Variants in NBPF3 observed in about 807,000 individuals in gnomAD.
NBPF3 encodes NBPF member 3.
In NBPF3, 57 loss-of-function variants were observed where a neutral mutation model predicts 78.1. The observed-to-expected ratio is 0.73, with a 90% confidence interval of 0.59 to 0.91. NBPF3 has a LOEUF of 0.91. Ranked by LOEUF, NBPF3 falls within the 40% of genes least tolerant of loss-of-function variation. The pLI, the probability that NBPF3 is intolerant of heterozygous loss-of-function variation, is 0.00. For missense variants in NBPF3, 510 were observed against 715.3 expected, an observed-to-expected ratio of 0.71 and a Z score of 3.27; for synonymous variants, 182 against 271.7, an observed-to-expected ratio of 0.67 and a Z score of 3.25.
rs1642897873 is a variant in NBPF3, at chr1:21,476,546, C to T, written c.992+1595C>T. 1.3e-5 allele frequency among the ~76,000 whole-genome samples: 2 copies of T among 152,244 alleles called. No homozygotes were observed. Among genetic ancestry groups the T allele is most frequent in the East Asian group, 1.9e-4 (1 of 5,182 alleles). On this transcript the variant is annotated intron_variant, in intron 8 of 14. Transcript: ENST00000318249. The surrounding 1 kb of genome is among the most constrained non-coding windows in gnomAD (Gnocchi z 4.1). ...CTCCTTCACTTTTGAAGCTTAGTTT[C>T]GCTGAGTATGAAATTCTGGGTTGAA...
intron 2 of NBPF3, among the ~76,000 whole-genome samples, chr1:21,455,077 T>A (rs1482689554): frequency 1.3e-5 from 2 of 152,194 alleles, no homozygotes; most frequent in Non-Finnish European, 2.9e-5. Context: ...CCTAGAGGCC[T>A]CCCATGTTCC....
chr1:21,451,866 G>A, intron 2 of NBPF3: 1 of 906,036 alleles, frequency 1.1e-6, no homozygotes, highest in African/African-American at 1.8e-5. Context: ...TTAATGCCAT[G>A]AAGCAGCCGC....
chr1:21,472,193 C>T (rs1391863706), intron 5 of NBPF3, among the ~76,000 whole-genome samples: 4 of 152,192 alleles, frequency 2.6e-5, no homozygotes, highest in Non-Finnish European at 5.9e-5. Flanking sequence ...CTGAGTTTCT[C>T]TGTCTCCATC....
At chr1:21,438,360 C>G (rs369292768), upstream of NBPF3, among the ~76,000 whole-genome samples, 7 of 152,134 alleles carry the variant, frequency 4.6e-5, no homozygotes, top group East Asian at 9.6e-4. Context: ...GTGATCCACC[C>G]GCTTCGGCCA....
chr1:21,484,752 A>G lies in NBPF3; in HGVS notation c.*1366A>G, dbSNP rs934368099. 6 of 64,496 alleles carry G rather than the reference A, an allele frequency of 9.3e-5. 3 individuals carry two copies. In the Admixed American group the frequency reaches 1.2e-3, roughly 13 times the overall value. The allele number at this position is 64,496 out of a possible 1,614,324, so 4.0% of individuals were successfully genotyped here. On this transcript the variant is annotated 3_prime_UTR_variant, in exon 15 of 15. Coordinates refer to ENST00000318249, the MANE Select transcript of NBPF3 (RefSeq NM_032264.6). ...TGCCTGTGTCTATTATTATATTCAT[A>G]TCTCTACGCTGGAAATTTGCTGCCT...
intron 14 of NBPF3, 61 bp from the exon 15 acceptor site, chr1:21,483,082 T>C (rs564213146): frequency 5.6e-6 from 9 of 1,609,232 alleles, no homozygotes; most frequent in East Asian, 2.2e-5. Flanking sequence ...TGAAATCTAG[T>C]TGGGGCTCTG....
chr1:21,475,913 C>G (rs1308900926), intron 8 of NBPF3, among the ~76,000 whole-genome samples: 1 of 129,366 alleles, frequency 7.7e-6, no homozygotes, highest in Non-Finnish European at 1.7e-5. Flanking sequence ...GTCTAAGTCT[C>G]TTTTTAGGTC....
chr1:21,475,370 G>C (rs1367871800), intron 8 of NBPF3, among the ~76,000 whole-genome samples: 1 of 152,154 alleles, frequency 6.6e-6, no homozygotes, highest in Non-Finnish European at 1.5e-5. Flanking sequence ...GTTGATTTTA[G>C]ATCTTTCCCT....
At position 21,460,877 on chromosome 1, in the gene NBPF3, A is replaced by G. The variant is rs1247795405; in HGVS notation, c.134-7811A>G. Among the ~76,000 whole-genome samples, 2 of 152,232 alleles carry G rather than the reference A, an allele frequency of 1.3e-5. No homozygotes were observed. Among genetic ancestry groups the G allele is most frequent in the African/African-American group, 4.8e-5 (2 of 41,464 alleles). On this transcript the variant is annotated intron_variant, in intron 2 of 14. Coordinates refer to ENST00000318249, the MANE Select transcript of NBPF3 (RefSeq NM_032264.6). The surrounding 1 kb of genome is among the most constrained non-coding windows in gnomAD (Gnocchi z 4.2). Reference sequence around the variant, plus strand: ...ATAATATAGCAAAAAATGTGTATATATAAATGGATGCATTCAAAATATATA... The same window carrying G: ...ATAATATAGCAAAAAATGTGTATATGTAAATGGATGCATTCAAAATATATA...
rs574994884 is a variant in NBPF3, at chr1:21,482,040, T to A, written c.1606+271T>A. Among the ~76,000 whole-genome samples the A allele has an allele frequency of 3.4e-5, 5 of 148,144 alleles. No homozygotes were observed. The East Asian group carries it at 8.0e-4, about 24-fold the overall frequency. On this transcript the variant is annotated intron_variant, in intron 13 of 14. Transcript: ENST00000318249. Reference sequence around the variant, plus strand: ...ATTGGACCTGGGCAGATGGGACAAATTCAGAGAACTATGATTTTGACTCAA... The same window carrying A: ...ATTGGACCTGGGCAGATGGGACAAAATCAGAGAACTATGATTTTGACTCAA...
intron 2 of NBPF3, 114 bp downstream of exon 2, chr1:21,445,333 G>T (rs1640905378): frequency 1.9e-5 from 22 of 1,168,646 alleles, no homozygotes; most frequent in Non-Finnish European, 2.7e-5. Flanking sequence ...GCCTTGCCTG[G>T]CATGAAACAG....
intron 2 of NBPF3, among the ~76,000 whole-genome samples, chr1:21,447,362 C>T (rs970732846): frequency 7.2e-5 from 11 of 152,188 alleles, no homozygotes; most frequent in African/African-American, 1.2e-4. Context: ...CCCAATACAG[C>T]GTCATGCGAA....
chr1:21,453,892 C>G (rs1197110509), intron 2 of NBPF3: 1 of 152,130 alleles, frequency 6.6e-6, no homozygotes, highest in African/African-American at 2.4e-5. Context: ...AAATCTTCCT[C>G]CAGGCCTTCC....
At chr1:21,480,341 G>A (rs1478114507) in intron 11 of NBPF3, 118 bp downstream of exon 11, 5 of 552,350 alleles carry the variant, frequency 9.1e-6, no homozygotes, top group East Asian at 7.0e-5. Flanking sequence ...GGCAGGACCC[G>A]TGGGCGCATA....
chr1:21,439,264 G>A (rs529973331), upstream of NBPF3, among the ~76,000 whole-genome samples: 2 of 152,262 alleles, frequency 1.3e-5, no homozygotes, highest in East Asian at 1.9e-4. Flanking sequence ...GGGTGACAGA[G>A]CAAGACTCGA....
At chr1:21,437,286 T>C (rs1640444004), upstream of NBPF3, 3 of 389,026 alleles carry the variant, frequency 7.7e-6, no homozygotes, top group Non-Finnish European at 1.4e-5. Flanking sequence ...GAGAGGAGTG[T>C]GCCTGGGGGT....
rs1336281120 is a variant in NBPF3, at chr1:21,444,995, G to A, written c.-92G>A. On this transcript the variant is annotated 5_prime_UTR_variant, in exon 2 of 15. The change abolishes the stop of an existing upstream ORF in the 5' untranslated region. Transcript: ENST00000318249. ...TTAGACCCAGGCGAAGGTTCCTGGT[G>A]ACCCAGGCTCTCACCAGCCAATTGT... is the stretch of plus-strand genomic sequence containing the variant. 1 of 1,415,322 alleles carries A rather than the reference G, an allele frequency of 7.1e-7. No homozygotes were observed. The highest frequency in any genetic ancestry group is 9.5e-7 in the Non-Finnish European group (1 of 1,049,892). The allele number at this position is 1,415,322 out of a possible 1,614,324, so 87.7% of individuals were successfully genotyped here.
At chr1:21,468,520 T>A in intron 2 of NBPF3, 168 bp from the exon 3 acceptor site, 2 of 1,481,100 alleles carry the variant, frequency 1.4e-6, no homozygotes, top group Non-Finnish European at 1.8e-6. Context: ...CTCAGGCACC[T>A]CGAACATTGT....
intron 1 of NBPF3, among the ~76,000 whole-genome samples, chr1:21,442,036 A>G (rs1640682303): frequency 6.6e-6 from 1 of 152,130 alleles, no homozygotes; most frequent in African/African-American, 2.4e-5. Context: ...TTCTTTTGTG[A>G]CATGCCTGTT....
Sources: gnomAD v4.1 joint callset for allele counts (sites outside exome capture counted in the v4.1 genomes callset) on GRCh38, gnomAD v4.1.1 for gene constraint, Gnocchi (gnomAD v3.1) non-coding constraint, MANE v1.5 for transcripts, NCBI Gene and HGNC (gene_info 2026-07-23, HGNC 2026-07-21) for gene names.